The following PCAT7 variants were observed in gnomAD, a reference collection of about 807,000 sequenced individuals.
PCAT7 encodes prostate cancer associated transcript 7 (non-protein coding).
intron 2 of PCAT7, among the ~76,000 whole-genome samples, chr9:94,560,519 G>A (rs140588599): frequency 6.6e-6 from 1 of 152,042 alleles, no homozygotes. Flanking sequence ...CTCCCCATCA[G>A]TGCAACCTGT....
chr9:94,573,619 TG>T (rs1827290468), intron 3 of PCAT7, among the ~76,000 whole-genome samples: 1 of 152,212 alleles, frequency 6.6e-6, no homozygotes, highest in South Asian at 2.1e-4. Flanking sequence ...GTTGATATGG[TG>T]GATTACACTG....
rs183841943 is a variant in PCAT7 at position 94,555,843 on chromosome 9, G to A, written n.257+533G>A. Among the ~76,000 whole-genome samples, 40 of 151,318 alleles carry A rather than the reference G, an allele frequency of 2.6e-4. 1 individual carries two copies. The East Asian group carries it at 6.9e-3, about 26-fold the overall frequency. ...AAGGAGGAGGAGAAAAGAGGGTGGC[G>A]AGAGGGAGCAGGGAAAGAAGTTTGG... On this transcript the variant is annotated intron_variant and non_coding_transcript_variant, in intron 1 of 8. Transcript: ENST00000647389.
intron 2 of PCAT7, among the ~76,000 whole-genome samples, chr9:94,561,380 T>TTTTTTTTTTTTA (rs1827099382): frequency 8.7e-6 from 1 of 114,832 alleles, no homozygotes. Context: ...TTTTTTTTTT[T>TTTTTTTTTTTTA]GAGATGGAAT....
chr9:94,572,193 T>C (rs530418342), intron 2 of PCAT7, among the ~76,000 whole-genome samples: 64 of 152,308 alleles, frequency 4.2e-4, no homozygotes, highest in African/African-American at 1.5e-3. Flanking sequence ...CCTTAAATGT[T>C]GGTGCTCCTT....
chr9:94,567,222 C>CA, intron 2 of PCAT7: 1 of 1,608,396 alleles, frequency 6.2e-7, no homozygotes, highest in Non-Finnish European at 8.5e-7. Flanking sequence ...AACAGGACCC[C>CA]ATGGGGACAG....
chr9:94,568,281 G>T (rs1827222923), intron 2 of PCAT7: 1 of 152,180 alleles, frequency 6.6e-6, no homozygotes, highest in Admixed American at 6.5e-5. Flanking sequence ...GAAAAAGTTG[G>T]TAAAATCTAA....
intron 2 of PCAT7, among the ~76,000 whole-genome samples, chr9:94,566,905 T>C (rs946895277): frequency 4.6e-5 from 7 of 152,176 alleles, no homozygotes; most frequent in African/African-American, 1.7e-4. Flanking sequence ...AGGCCTCTCA[T>C]ATAATTATTT....
intron 2 of PCAT7, chr9:94,567,287 TC>T (rs1827203281): frequency 6.2e-7 from 1 of 1,614,082 alleles, no homozygotes; most frequent in Admixed American, 1.7e-5. Flanking sequence ...AATTTCTTTT[TC>T]TGCACATATT....
At chr9:94,558,761 C>T (rs1248033785) in intron 1 of PCAT7, 5 of 611,072 alleles carry the variant, frequency 8.2e-6, no homozygotes, top group Non-Finnish European at 1.1e-5. Context: ...TCACATTGAC[C>T]ATAGAATCGC....
chr9:94,563,419 C>T, intron 2 of PCAT7: 1 of 1,614,084 alleles, frequency 6.2e-7, no homozygotes, highest in East Asian at 2.2e-5. Context: ...ACGTCAGCCA[C>T]CATGGAGCCC....
intron 2 of PCAT7, among the ~76,000 whole-genome samples, chr9:94,572,590 A>G (rs1827281118): frequency 6.6e-6 from 1 of 152,144 alleles, no homozygotes; most frequent in Non-Finnish European, 1.5e-5. Context: ...TTAGTGTCTG[A>G]CTTCCCAGCT....
intron 1 of PCAT7, among the ~76,000 whole-genome samples, chr9:94,557,891 T>C (rs761823039): frequency 4.6e-5 from 7 of 152,110 alleles, no homozygotes; most frequent in Non-Finnish European, 1.0e-4. Flanking sequence ...AGCCAACCCC[T>C]CCCCAGTCTT....
intron 2 of PCAT7, chr9:94,571,342 G>C: frequency 9.2e-7 from 1 of 1,084,618 alleles, no homozygotes; most frequent in East Asian, 2.8e-5. Context: ...AGGCTCTCAG[G>C]ACCCCTGGTC....
chr9:94,557,673 C>T (rs1438073091), intron 1 of PCAT7, among the ~76,000 whole-genome samples: 1 of 152,220 alleles, frequency 6.6e-6, no homozygotes, highest in Non-Finnish European at 1.5e-5. Context: ...CTTCCCCTAA[C>T]CTAATGAATT....
chr9:94,559,429 G>T (rs1248942863), intron 2 of PCAT7, among the ~76,000 whole-genome samples: 1 of 152,146 alleles, frequency 6.6e-6, no homozygotes, highest in Non-Finnish European at 1.5e-5. Flanking sequence ...GGAAATATGA[G>T]ATCTAGGCAT....
intron 2 of PCAT7, chr9:94,569,494 G>C (rs992429489): frequency 2.0e-5 from 3 of 152,248 alleles, no homozygotes; most frequent in African/African-American, 7.2e-5. Context: ...CGCTCATTCT[G>C]CATCAGGGCG....
rs1827047462 is a variant in PCAT7, at chr9:94,558,807, T to G, written n.258-162T>G. ...CAAACCTGTCGTAAGCAGTTTGTTG[T>G]TGCTCTTCTGTATGTGATTAAGTGG... is the stretch of plus-strand genomic sequence containing the variant. On this transcript the variant is annotated intron_variant and non_coding_transcript_variant, in intron 1 of 8. Transcript: ENST00000647389. 3.0e-5 allele frequency: 25 copies of G among 821,732 alleles called. No individual in the cohort carries two copies. In the South Asian group the frequency reaches 3.9e-4, roughly 13 times the overall value. 50.9% of individuals were successfully genotyped at this position (821,732 alleles called of 1,614,324 possible).
chr9:94,561,383 G>C (rs1267347476), intron 2 of PCAT7, among the ~76,000 whole-genome samples: 5 of 34,992 alleles, frequency 1.4e-4, no homozygotes, highest in Non-Finnish European at 2.7e-4. Context: ...TTTTTTTTGA[G>C]ATGGAATCTC....
At position 94,560,706 on chromosome 9, in the gene PCAT7, A is replaced by T. The variant is rs1261161385; in HGVS notation, n.441+1554A>T. 4.1e-5 allele frequency among the ~76,000 whole-genome samples: 6 copies of T among 147,700 alleles called. No individual in the cohort carries two copies. The South Asian group carries it at 8.4e-4, about 21-fold the overall frequency. On this transcript the variant is annotated intron_variant and non_coding_transcript_variant, in intron 2 of 8. Coordinates refer to ENST00000647389, the Ensembl canonical transcript of PCAT7. ...TTCTATTTTTCTATTATATATTTAT[A>T]TGTTATTATATATTATATAATATAT...
Sources: gnomAD v4.1 joint callset for allele counts (sites outside exome capture counted in the v4.1 genomes callset) on GRCh38, gnomAD v4.1.1 for gene constraint, MANE v1.5 for transcripts, NCBI Gene and HGNC (gene_info 2026-07-23, HGNC 2026-07-21) for gene names.